The following CSMD3 variants were observed in gnomAD, a reference collection of about 807,000 sequenced individuals.
CSMD3 encodes CUB and Sushi multiple domains 3.
CSMD3 carries 177 observed loss-of-function variants against 435.2 expected under a neutral mutation model. The observed-to-expected ratio is 0.41, with a 90% CI of 0.36 to 0.46. CSMD3 has a LOEUF of 0.46. Ranked by LOEUF, CSMD3 falls within the 20% of genes least tolerant of loss-of-function variation. The probability of loss-of-function intolerance (pLI) is 0.34; values close to 1 mark genes in which losing one functional copy is unlikely to be tolerated. For missense variants in CSMD3, 4,265 were observed against 4,504.6 expected, an observed-to-expected ratio of 0.95 and a Z score of 1.52; for synonymous variants, 1,656 against 1,520.5, an observed-to-expected ratio of 1.09 and a Z score of -2.07.
intron 13 of CSMD3, among the ~76,000 whole-genome samples, chr8:112,702,602 A>T (rs927998649): frequency 1.3e-5 from 2 of 151,822 alleles, no homozygotes; most frequent in Non-Finnish European, 2.9e-5. Flanking sequence ...GTGGGGGGTA[A>T]AGACTGATCC....
intron 1 of CSMD3, among the ~76,000 whole-genome samples, chr8:113,322,959 T>G (rs2093959118): frequency 6.6e-6 from 1 of 152,140 alleles, no homozygotes; most frequent in South Asian, 2.1e-4. Flanking sequence ...CTGGCCAGGC[T>G]GGTCTCAAAC....
intron 5 of CSMD3, among the ~76,000 whole-genome samples, chr8:113,019,396 A>G (rs2086596561): frequency 6.6e-6 from 1 of 152,060 alleles, no homozygotes; most frequent in Non-Finnish European, 1.5e-5. Flanking sequence ...GTGTGTATTA[A>G]TACAATCAAC....
In CSMD3 at chr8:113,328,544, A is replaced by G. The variant is rs141074155; in HGVS notation, c.179-13751T>C. On this transcript the variant is annotated intron_variant, in intron 1 of 70. Transcript: ENST00000297405. The stretch of plus-strand genomic sequence containing the variant: ...TGAGCAGAAGCTAGGATAGCCATGC[A>G]CTAGAAAGAATACAGACTTTACAGA... 5.9e-4 allele frequency among the ~76,000 whole-genome samples: 90 copies of G among 152,138 alleles called. No homozygotes were observed. In the East Asian group the frequency reaches 8.3e-3, roughly 14 times the overall value.
chr8:113,153,523 T>C (rs745803657), intron 4 of CSMD3, among the ~76,000 whole-genome samples: 3 of 152,074 alleles, frequency 2.0e-5, no homozygotes, highest in Non-Finnish European at 2.9e-5. Context: ...GATAAAAATA[T>C]GACACTTACA....
At chr8:112,606,514 C>T (rs1042884931) in intron 22 of CSMD3, among the ~76,000 whole-genome samples, 3 of 152,204 alleles carry the variant, frequency 2.0e-5, no homozygotes, top group African/African-American at 7.2e-5. Context: ...AACAAAGAAA[C>T]ACTGTACTTG....
chr8:112,935,461 T>G (rs904328521), intron 9 of CSMD3, among the ~76,000 whole-genome samples: 2 of 152,204 alleles, frequency 1.3e-5, no homozygotes, highest in Admixed American at 1.3e-4. Context: ...TGGTATTTTG[T>G]TTGAGAATGC....
chr8:113,406,592 A>T (rs2094533829), intron 1 of CSMD3, among the ~76,000 whole-genome samples: 2 of 152,014 alleles, frequency 1.3e-5, no homozygotes, highest in South Asian at 4.1e-4. Context: ...TAGTTATTTC[A>T]TATGTGTGTA....
At chr8:112,825,963 G>A (rs1483596849) in intron 12 of CSMD3, among the ~76,000 whole-genome samples, 3 of 152,218 alleles carry the variant, frequency 2.0e-5, no homozygotes, top group Admixed American at 2.0e-4. Context: ...GGTCCCTGGA[G>A]ACTGTGGCCA....
At chr8:112,698,549 A>C (rs542108550) in intron 13 of CSMD3, among the ~76,000 whole-genome samples, 13 of 152,256 alleles carry the variant, frequency 8.5e-5, no homozygotes, top group Non-Finnish European at 1.5e-4. Context: ...ATGAAACTGG[A>C]ATACCTTGTT....
chr8:112,293,483 A>G (rs1213939030), intron 54 of CSMD3, among the ~76,000 whole-genome samples: 2 of 152,130 alleles, frequency 1.3e-5, no homozygotes, highest in African/African-American at 2.4e-5. Context: ...AATTAATGTG[A>G]CTACATAATG....
At chr8:112,345,335 C>T (rs752574899) in intron 41 of CSMD3, among the ~76,000 whole-genome samples, 1 of 152,070 alleles carries the variant, frequency 6.6e-6, no homozygotes, top group Non-Finnish European at 1.5e-5. Context: ...ACGGAATCAA[C>T]CTAAGTGTCC....
chr8:112,535,661 G>C (rs995659886), intron 27 of CSMD3, among the ~76,000 whole-genome samples: 2 of 151,834 alleles, frequency 1.3e-5, no homozygotes, highest in Non-Finnish European at 2.9e-5. Flanking sequence ...CACAGAATTG[G>C]AAAAAACTAC....
chr8:112,385,177 A>G (rs571688590), intron 36 of CSMD3, among the ~76,000 whole-genome samples: 1 of 152,340 alleles, frequency 6.6e-6, no homozygotes, highest in South Asian at 2.1e-4. Flanking sequence ...TTAGAATCAA[A>G]GAGGCTAGGT....
chr8:112,921,520 C>T (rs1048444865), intron 10 of CSMD3, 107 bp downstream of exon 10: 48 of 965,982 alleles, frequency 5.0e-5, no homozygotes, highest in Non-Finnish European at 4.0e-5. Context: ...CACAATCTTT[C>T]CTTAAAGATT....
chr8:112,782,610 A>G (rs1222893014), intron 13 of CSMD3, among the ~76,000 whole-genome samples: 1 of 152,128 alleles, frequency 6.6e-6, no homozygotes, highest in African/African-American at 2.4e-5. Flanking sequence ...AACATCAAGC[A>G]TATTTAATCC....
At chr8:112,562,530 A>G (rs1828720854) in intron 24 of CSMD3, among the ~76,000 whole-genome samples, 1 of 151,546 alleles carries the variant, frequency 6.6e-6, no homozygotes, top group Non-Finnish European at 1.5e-5. Context: ...TAAAAAGGAA[A>G]TTGGGAAAGT....
intron 4 of CSMD3, among the ~76,000 whole-genome samples, chr8:113,170,735 A>G (rs537812714): frequency 1.3e-5 from 2 of 152,162 alleles, no homozygotes; most frequent in Non-Finnish European, 2.9e-5. Context: ...AGCACATAAC[A>G]TAATGCTTTG....
intron 29 of CSMD3, 33 bp from the exon 30 acceptor site, chr8:112,504,010 A>G (rs779244072): frequency 4.4e-6 from 6 of 1,357,804 alleles, no homozygotes; most frequent in Admixed American, 1.7e-5. Context: ...AAAAGAAAGA[A>G]AGAGAAGTAG....
chr8:113,089,393 A>C (rs187189965), intron 5 of CSMD3, among the ~76,000 whole-genome samples: 1 of 152,232 alleles, frequency 6.6e-6, no homozygotes, highest in East Asian at 1.9e-4. Flanking sequence ...TATTTTCCAC[A>C]AAATAATTTA....
Sources: allele counts gnomAD v4.1 joint callset (sites outside exome capture counted in the v4.1 genomes callset), GRCh38; gene constraint gnomAD v4.1.1; transcripts MANE v1.5; gene names NCBI Gene and HGNC (gene_info 2026-07-23, HGNC 2026-07-21).